Variants in PDE1A observed in about 807,000 individuals in gnomAD.
PDE1A encodes the protein phosphodiesterase 1A.
PDE1A carries 35 observed loss-of-function variants against 61.7 expected under a neutral mutation model. The observed-to-expected ratio is 0.57, with a 90% CI of 0.43 to 0.75. The LOEUF is 0.75. Ranked by LOEUF, PDE1A falls within the 30% of genes least tolerant of loss-of-function variation. The pLI is 0.00. For missense variants in PDE1A, 597 were observed against 630.6 expected, an observed-to-expected ratio of 0.95 and a Z score of 0.57; for synonymous variants, 232 against 213.2, an observed-to-expected ratio of 1.09 and a Z score of -0.77.
intron 1 of PDE1A, among the ~76,000 whole-genome samples, chr2:182,382,320 T>A (rs531687226): frequency 1.3e-5 from 2 of 152,304 alleles, no homozygotes; most frequent in African/African-American, 2.4e-5. Context: ...ACAAATGGTT[T>A]GAAGATGGAA....
At chr2:182,517,132 C>A (rs1690253632) in intron 2 of PDE1A, among the ~76,000 whole-genome samples, 1 of 152,120 alleles carries the variant, frequency 6.6e-6, no homozygotes, top group Non-Finnish European at 1.5e-5. Flanking sequence ...GTCATCTTTT[C>A]TGTATTGGAT....
intron 1 of PDE1A, among the ~76,000 whole-genome samples, chr2:182,401,030 A>ACTCAGAGGG (rs1343187518): frequency 6.6e-6 from 1 of 152,154 alleles, no homozygotes; most frequent in Non-Finnish European, 1.5e-5. Context: ...AAAAACCTGT[A>ACTCAGAGGG]TACCCTCTGA....
At chr2:182,205,375 G>A (rs1038262281) in intron 8 of PDE1A, among the ~76,000 whole-genome samples, 2 of 151,692 alleles carry the variant, frequency 1.3e-5, no homozygotes, top group African/African-American at 4.8e-5. Context: ...AAGAGGGATG[G>A]GGGTACATCT....
the PDE1A span, among the ~76,000 whole-genome samples, chr2:182,546,886 C>A: frequency 6.6e-6 from 1 of 152,186 alleles, no homozygotes; most frequent in African/African-American, 2.4e-5. Flanking sequence ...AAAGAACTAC[C>A]GCTTAAAGGA....
chr2:182,297,442 T>C (rs1694960734), intron 1 of PDE1A, among the ~76,000 whole-genome samples: 1 of 152,218 alleles, frequency 6.6e-6, no homozygotes, highest in Non-Finnish European at 1.5e-5. Flanking sequence ...GATCATTAAA[T>C]TGGATTGGGG....
intron 13 of PDE1A, among the ~76,000 whole-genome samples, chr2:182,175,343 C>T (rs1037549498): frequency 1.3e-5 from 2 of 152,184 alleles, no homozygotes; most frequent in Non-Finnish European, 1.5e-5. Context: ...TCTCCAGTAT[C>T]TGTTATTTCC....
intron 1 of PDE1A, among the ~76,000 whole-genome samples, chr2:182,394,820 G>C (rs1369229515): frequency 1.3e-5 from 2 of 152,182 alleles, no homozygotes; most frequent in African/African-American, 4.8e-5. Context: ...TACTATGATG[G>C]AAAAGCCAAA....
In PDE1A at chr2:182,226,850, TATAA is replaced by T. The variant is rs934817648; in HGVS notation, c.676-2890_676-2887del. 7.9e-5 allele frequency among the ~76,000 whole-genome samples: 11 copies of T among 139,348 alleles called. 3 individuals carry two copies. The highest frequency in any genetic ancestry group is 3.7e-4 in the African/African-American group (11 of 29,556). The allele number at this position is 139,348 out of a possible 152,430, so 91.4% of individuals were successfully genotyped here. ...ACTCTAGAGCGGGCAGTCATCAACT[TATAA>T]GGAGGTATTGACTGCTATTAATAAC... On this transcript the variant is annotated intron_variant, in intron 6 of 13. Transcript: ENST00000351439.
At chr2:182,443,023 T>C (rs1483013822) in intron 2 of PDE1A, among the ~76,000 whole-genome samples, 1 of 151,822 alleles carries the variant, frequency 6.6e-6, no homozygotes, top group African/African-American at 2.4e-5. Context: ...AACCAAAATA[T>C]TCCCCCTTCA....
chr2:182,149,749 A>G (rs897518291), intron 13 of PDE1A, among the ~76,000 whole-genome samples: 1 of 152,186 alleles, frequency 6.6e-6, no homozygotes, highest in Non-Finnish European at 1.5e-5. Flanking sequence ...AATCCATTAA[A>G]GATCATCTTA....
exon 14 of PDE1A, chr2:182,147,086 T>A: frequency 6.2e-7 from 1 of 1,602,620 alleles, no homozygotes; most frequent in Non-Finnish European, 8.5e-7. Flanking sequence ...GGCCTATGAA[T>A]GTGTCTCATC....
chr2:182,404,696 T>C (rs1009502373), intron 1 of PDE1A, among the ~76,000 whole-genome samples: 4 of 152,156 alleles, frequency 2.6e-5, no homozygotes, highest in Non-Finnish European at 5.9e-5. Context: ...ACACACACAT[T>C]ACCCTAGGGC....
At chr2:182,423,192 T>A (rs1365699734) in intron 1 of PDE1A, among the ~76,000 whole-genome samples, 1 of 152,028 alleles carries the variant, frequency 6.6e-6, no homozygotes, top group East Asian at 1.9e-4. Flanking sequence ...CTCATTGACA[T>A]GATATGAAAA....
chr2:182,217,824 C>A (rs1688336813), intron 7 of PDE1A, among the ~76,000 whole-genome samples: 1 of 151,494 alleles, frequency 6.6e-6, no homozygotes, highest in Non-Finnish European at 1.5e-5. Context: ...GTTGGTGGGA[C>A]TGTAAACTAG....
intron 2 of PDE1A, among the ~76,000 whole-genome samples, chr2:182,466,030 G>A (rs1323349592): frequency 1.3e-5 from 2 of 151,882 alleles, no homozygotes; most frequent in African/African-American, 4.8e-5. Flanking sequence ...TTAAGGTGTT[G>A]CCTACACTTT....
At chr2:182,479,308 A>G (rs1013084050) in intron 2 of PDE1A, among the ~76,000 whole-genome samples, 3 of 151,890 alleles carry the variant, frequency 2.0e-5, no homozygotes, top group Non-Finnish European at 4.4e-5. Flanking sequence ...CTCCCACTCA[A>G]AAGTTCACCC....
intron 1 of PDE1A, among the ~76,000 whole-genome samples, chr2:182,280,119 T>C (rs1269016814): frequency 6.6e-6 from 1 of 151,516 alleles, no homozygotes; most frequent in Non-Finnish European, 1.5e-5. Context: ...TGTATGAAGA[T>C]TACATTTCCA....
chr2:182,386,011 C>T (rs575227821), intron 1 of PDE1A, among the ~76,000 whole-genome samples: 70 of 152,324 alleles, frequency 4.6e-4, no homozygotes, highest in African/African-American at 1.3e-3. Context: ...GGGCGTGTGC[C>T]GCCACGCCTG....
intron 13 of PDE1A, among the ~76,000 whole-genome samples, chr2:182,184,026 GAAA>G (rs1684997440): frequency 1.9e-5 from 2 of 104,416 alleles, no homozygotes; most frequent in African/African-American, 6.4e-5. Context: ...AAGAAAGAAA[GAAA>G]GAAAGAAAGA....
Sources: gnomAD v4.1 joint callset for allele counts (sites outside exome capture counted in the v4.1 genomes callset) on GRCh38, gnomAD v4.1.1 for gene constraint, MANE v1.5 for transcripts, NCBI Gene and HGNC (gene_info 2026-07-23, HGNC 2026-07-21) for gene names.